Variants in TRPM3 observed in about 807,000 individuals in gnomAD.
TRPM3 encodes long transient receptor potential channel 3.
Under a neutral mutation model 181.2 loss-of-function variants are expected in TRPM3, and 77 were observed. The ratio of observed to expected loss-of-function variants is 0.42; its 90% CI spans 0.35 to 0.51. The LOEUF is 0.51. Ranked by LOEUF, TRPM3 falls within the 20% of genes least tolerant of loss-of-function variation. The pLI is 0.01. For synonymous variants in TRPM3, 745 were observed against 796.4 expected (o/e 0.94, Z 1.09); for missense variants, 1,759 against 2,196.7 (o/e 0.80, Z 3.98).
At chr9:71,076,382 T>C (rs1591215245) in intron 1 of TRPM3, among the ~76,000 whole-genome samples, 1 of 152,156 alleles carries the variant, frequency 6.6e-6, no homozygotes, top group Non-Finnish European at 1.5e-5. Context: ...GAAACTGCCA[T>C]CCCTAGGAAG....
chr9:71,370,418 T>C (rs530478709), intron 1 of TRPM3, among the ~76,000 whole-genome samples: 119 of 151,784 alleles, frequency 7.8e-4, no homozygotes, highest in African/African-American at 2.8e-3. Context: ...AACACACAAA[T>C]AATAAGAAAG....
chr9:70,575,649 G>A (rs976490111), intron 22 of TRPM3, among the ~76,000 whole-genome samples: 5 of 151,928 alleles, frequency 3.3e-5, no homozygotes, highest in African/African-American at 1.2e-4. Context: ...CTCTTTTTCT[G>A]GGCTGTGTTC....
intron 1 of TRPM3, among the ~76,000 whole-genome samples, chr9:71,399,968 C>T (rs182428832): frequency 2.0e-4 from 30 of 152,240 alleles, no homozygotes; most frequent in African/African-American, 6.3e-4. Context: ...CAAAGCTAAG[C>T]GAGCTTGACC....
chr9:70,664,659 T>TG lies in TRPM3; in HGVS notation c.1345+16846_1345+16847insC, dbSNP rs2061590681. The stretch of plus-strand genomic sequence containing the variant: ...GAGAGTAGTTTTTTTTTTTTTTTTT[T>TG]TTTTTTTTTGAGACTGAGTCTCACT... On this transcript the variant is annotated intron_variant, in intron 9 of 25. Coordinates refer to ENST00000677713, the MANE Select transcript of TRPM3 (RefSeq NM_001366145.2). 2.7e-4 allele frequency among the ~76,000 whole-genome samples: 34 copies of TG among 124,146 alleles called. 1 individual carries two copies. The South Asian group carries it at 8.3e-3, about 30-fold the overall frequency. 81.4% of individuals were successfully genotyped at this position (124,146 alleles called of 152,430 possible).
chr9:71,192,807 G>A (rs957374624), intron 1 of TRPM3, among the ~76,000 whole-genome samples: 11 of 151,704 alleles, frequency 7.3e-5, no homozygotes, highest in African/African-American at 1.9e-4. Flanking sequence ...TGCTTTTGGC[G>A]TCATATCCAA....
At chr9:71,099,608 T>C (rs1032318510) in intron 1 of TRPM3, among the ~76,000 whole-genome samples, 1 of 152,146 alleles carries the variant, frequency 6.6e-6, no homozygotes, top group African/African-American at 2.4e-5. Flanking sequence ...TTTAGATGGG[T>C]TCCCCCCCTC....
intron 25 of TRPM3, among the ~76,000 whole-genome samples, chr9:70,542,906 CT>C (rs1199180991): frequency 6.6e-6 from 1 of 152,196 alleles, no homozygotes; most frequent in Non-Finnish European, 1.5e-5. Flanking sequence ...AGACTGATAT[CT>C]AATCTATGAA....
At chr9:70,871,845 T>C (rs2095795362) in intron 1 of TRPM3, among the ~76,000 whole-genome samples, 2 of 152,036 alleles carry the variant, frequency 1.3e-5, no homozygotes, top group African/African-American at 4.8e-5. Flanking sequence ...CTTTATGCAA[T>C]GGCAGATACC....
chr9:71,011,777 T>G (rs1283898981), intron 1 of TRPM3, among the ~76,000 whole-genome samples: 2 of 130,518 alleles, frequency 1.5e-5, no homozygotes, highest in Admixed American at 7.9e-5. Context: ...ATGGTTTTTT[T>G]TTTTGTTTTT....
chr9:70,938,983 A>C (rs1312754011), intron 1 of TRPM3, among the ~76,000 whole-genome samples: 1 of 151,646 alleles, frequency 6.6e-6, no homozygotes, highest in Non-Finnish European at 1.5e-5. Flanking sequence ...AATAAAAAAT[A>C]AAAAAATAAA....
intron 1 of TRPM3, among the ~76,000 whole-genome samples, chr9:71,392,041 G>A (rs533776790): frequency 1.4e-3 from 216 of 152,188 alleles, no homozygotes; most frequent in African/African-American, 5.0e-3. Context: ...GAATTTGAGT[G>A]AGCTCAAGGG....
chr9:70,869,629 G>A (rs1016515083), intron 1 of TRPM3, among the ~76,000 whole-genome samples: 18 of 151,954 alleles, frequency 1.2e-4, no homozygotes, highest in Non-Finnish European at 2.5e-4. Flanking sequence ...AGTTTGTCGG[G>A]GACCTTCGAG....
chr9:71,149,093 G>A (rs2075590371), intron 1 of TRPM3, among the ~76,000 whole-genome samples: 1 of 152,060 alleles, frequency 6.6e-6, no homozygotes, highest in Non-Finnish European at 1.5e-5. Context: ...ATGGCGGGAA[G>A]GCAAGTGAGA....
rs571115775 is a variant in TRPM3, at chr9:70,577,582, T to C, written c.3223+13449A>G. 4.6e-5 allele frequency among the ~76,000 whole-genome samples: 7 copies of C among 152,324 alleles called. No individual in the cohort carries two copies. In the South Asian group the frequency reaches 1.5e-3, roughly 32 times the overall value. ...GAAGAAACCCATGAAACCCAAGACATAGCTTTTGTAACACACTTGGTAGTT... is the reference window on the plus strand; with the variant it reads ...GAAGAAACCCATGAAACCCAAGACACAGCTTTTGTAACACACTTGGTAGTT... On this transcript the variant is annotated intron_variant, in intron 22 of 25. Transcript: ENST00000677713.
intron 1 of TRPM3, among the ~76,000 whole-genome samples, chr9:71,214,849 C>G (rs1006714576): frequency 6.6e-6 from 1 of 152,040 alleles, no homozygotes; most frequent in South Asian, 2.1e-4. Flanking sequence ...GACCTGGAAA[C>G]TCATCTTTCA....
intron 5 of TRPM3, among the ~76,000 whole-genome samples, chr9:70,832,545 T>G (rs1430674990): frequency 1.3e-5 from 2 of 152,124 alleles, no homozygotes; most frequent in African/African-American, 4.8e-5. Flanking sequence ...CCCTCTGAAG[T>G]GAAATGAGAG....
chr9:71,443,072 A>T (rs1303180887), intron 1 of TRPM3, among the ~76,000 whole-genome samples: 2 of 152,238 alleles, frequency 1.3e-5, no homozygotes, highest in East Asian at 3.8e-4. Flanking sequence ...CTATGAAATT[A>T]ATATACAACA....
chr9:71,122,704 T>C (rs1303743721), upstream of TRPM3, among the ~76,000 whole-genome samples: 1 of 152,166 alleles, frequency 6.6e-6, no homozygotes, highest in Non-Finnish European at 1.5e-5. Flanking sequence ...ATGAAATCAA[T>C]ACCTGACACA....
chr9:70,585,409 T>G (rs1365587865), intron 22 of TRPM3, among the ~76,000 whole-genome samples: 2 of 152,106 alleles, frequency 1.3e-5, no homozygotes, highest in African/African-American at 4.8e-5. Context: ...TAAATCTCTA[T>G]CTCCTGTCCA....
Sources: gnomAD v4.1 joint callset for allele counts (sites outside exome capture counted in the v4.1 genomes callset) on GRCh38, gnomAD v4.1.1 for gene constraint, MANE v1.5 for transcripts, NCBI Gene and HGNC (gene_info 2026-07-23, HGNC 2026-07-21) for gene names.